TNFRSF19: variants seen among roughly 807,000 people sequenced by gnomAD.
TNFRSF19 encodes tumor necrosis factor receptor superfamily member 19.
A neutral mutation model predicts 46.4 loss-of-function variants in TNFRSF19; 27 were observed. The observed-to-expected ratio is 0.58, with a 90% confidence interval of 0.43 to 0.80. TNFRSF19 has a LOEUF of 0.80. Among genes scored for constraint, TNFRSF19 ranks in the 30% least tolerant of loss-of-function variants. TNFRSF19 has a pLI of 0.00. For synonymous variants in TNFRSF19, 204 were observed against 205.0 expected (o/e 1.00, Z 0.04); for missense variants, 511 against 530.8 (o/e 0.96, Z 0.37).
Position 23,584,780 on chromosome 13 carries a change from C to T in TNFRSF19, c.-34-5370C>T, listed in dbSNP as rs1050020044. Reference sequence around the variant, plus strand: ...TAATTTGAAAAAGAGAAACCATTCTCATTTTCCAGCCAATAACAATACGTA... The same window carrying T: ...TAATTTGAAAAAGAGAAACCATTCTTATTTTCCAGCCAATAACAATACGTA... On this transcript the variant is annotated intron_variant, in intron 1 of 9. Coordinates refer to ENST00000248484, the MANE Select transcript of TNFRSF19 (RefSeq NM_148957.4). Among the ~76,000 whole-genome samples the T allele has an allele frequency of 6.6e-5, 10 of 152,142 alleles. No individual in the cohort carries two copies. The East Asian group carries it at 1.7e-3, about 26-fold the overall frequency.
chr13:23,668,125 C>T, intron 8 of TNFRSF19, 43 bp downstream of exon 8: 1 of 1,474,270 alleles, frequency 6.8e-7, no homozygotes, highest in Non-Finnish European at 9.3e-7. Context: ...ACCCCCTGTG[C>T]AAATATGCAT....
At chr13:23,609,505 T>C (rs1880747020) in intron 3 of TNFRSF19, among the ~76,000 whole-genome samples, 1 of 152,198 alleles carries the variant, frequency 6.6e-6, no homozygotes, top group South Asian at 2.1e-4. Flanking sequence ...CTCGTATTAA[T>C]GCCAACAGTG....
At chr13:23,671,569 T>G (rs1384610099) in intron 9 of TNFRSF19, among the ~76,000 whole-genome samples, 5 of 152,154 alleles carry the variant, frequency 3.3e-5, no homozygotes, top group Non-Finnish European at 7.3e-5. Flanking sequence ...AACCTTAAGC[T>G]ACTTCAGGCC....
At chr13:23,611,252 C>T (rs1880895117) in intron 3 of TNFRSF19, among the ~76,000 whole-genome samples, 1 of 152,166 alleles carries the variant, frequency 6.6e-6, no homozygotes, top group Non-Finnish European at 1.5e-5. Flanking sequence ...TTACTCAGGA[C>T]TGTTGCAGTA....
chr13:23,572,489 TG>T (rs1309479748), intron 1 of TNFRSF19, among the ~76,000 whole-genome samples: 5 of 152,218 alleles, frequency 3.3e-5, no homozygotes, highest in Admixed American at 6.5e-5. Context: ...AGTTCAGATT[TG>T]GATTTTAAAA....
chr13:23,588,795 GA>G (rs1217701002), intron 1 of TNFRSF19, among the ~76,000 whole-genome samples: 1 of 152,130 alleles, frequency 6.6e-6, no homozygotes, highest in East Asian at 1.9e-4. Context: ...ATGCCAGCAG[GA>G]AAAAAAGTTA....
At chr13:23,601,104 T>G (rs549684766) in intron 3 of TNFRSF19, among the ~76,000 whole-genome samples, 1 of 152,074 alleles carries the variant, frequency 6.6e-6, no homozygotes, top group Non-Finnish European at 1.5e-5. Flanking sequence ...GACTTAGAAT[T>G]TTCCCAAGTT....
At chr13:23,670,532 G>A (rs1394880209) in intron 9 of TNFRSF19, among the ~76,000 whole-genome samples, 1 of 152,186 alleles carries the variant, frequency 6.6e-6, no homozygotes, top group Admixed American at 6.5e-5. Context: ...GTTAGGAAAG[G>A]CTGTTCACTG....
intron 5 of TNFRSF19, among the ~76,000 whole-genome samples, chr13:23,639,207 A>G (rs922629600): frequency 6.6e-6 from 1 of 152,116 alleles, no homozygotes; most frequent in South Asian, 2.1e-4. Flanking sequence ...AGCCTTGCCA[A>G]CATGATGAAA....
At chr13:23,628,108 G>T (rs79620781) in intron 5 of TNFRSF19, among the ~76,000 whole-genome samples, 10,590 of 152,020 alleles carry the variant, frequency 0.07, 726 homozygotes, top group African/African-American at 0.18. Flanking sequence ...GTCCAAATTT[G>T]TCAATGAGAA....
chr13:23,603,708 G>A (rs9550993), intron 3 of TNFRSF19, among the ~76,000 whole-genome samples: 100,649 of 151,776 alleles, frequency 0.66, 34,017 homozygotes, highest in African/African-American at 0.78. Flanking sequence ...TGGGCTAAAG[G>A]GGAAAAAAAT....
In TNFRSF19 at chr13:23,675,423, G is replaced by A. The variant is rs1951815212; in HGVS notation, c.*2043G>A. ...TGGCTGGAGAAAGCCAGACTGATGG[G>A]AATGAGACTTTGGCCAAAAATCCCA... On this transcript the variant is annotated 3_prime_UTR_variant, in exon 10 of 10. Transcript: ENST00000248484. 6.6e-6 allele frequency: 1 copy of A among 152,182 alleles called. No individual in the cohort carries two copies. Among genetic ancestry groups the A allele is most frequent in the Admixed American group, 6.5e-5 (1 of 15,274 alleles). 9.4% of individuals were successfully genotyped at this position (152,182 alleles called of 1,614,324 possible).
intron 3 of TNFRSF19, among the ~76,000 whole-genome samples, chr13:23,612,573 C>G (rs1880979028): frequency 6.6e-6 from 1 of 152,124 alleles, no homozygotes; most frequent in South Asian, 2.1e-4. Flanking sequence ...GTAGAATGGT[C>G]ACTTCATCAA....
rs1418271004 is a variant in TNFRSF19 at position 23,674,308 on chromosome 13, T to G, written c.*928T>G. On this transcript the variant is annotated 3_prime_UTR_variant, in exon 10 of 10. Transcript: ENST00000248484. ...ATCTTATACTAAAGGCTTTAGAAAT[T>G]ACAACATATCAGGTTCCCCTACTAC... is the stretch of plus-strand genomic sequence containing the variant. 3 of 152,220 alleles carry G rather than the reference T, an allele frequency of 2.0e-5. No homozygotes were observed. Among genetic ancestry groups the G allele is most frequent in the Admixed American group, 6.5e-5 (1 of 15,282 alleles). The allele number at this position is 152,220 out of a possible 1,614,324, so 9.4% of individuals were successfully genotyped here.
chr13:23,581,645 AGTTACAGCTCT>A (rs1207020203), intron 1 of TNFRSF19, among the ~76,000 whole-genome samples: 1 of 152,170 alleles, frequency 6.6e-6, no homozygotes, highest in Non-Finnish European at 1.5e-5. Flanking sequence ...TTAATTTCCT[AGTTACAGCTCT>A]GTTACATGAA....
chr13:23,581,069 A>T (rs1232198728), intron 1 of TNFRSF19, among the ~76,000 whole-genome samples: 1 of 151,914 alleles, frequency 6.6e-6, no homozygotes, highest in African/African-American at 2.4e-5. Context: ...GCAGTTATGG[A>T]CACATGAAGA....
At chr13:23,667,516 T>G (rs1951662357) in intron 7 of TNFRSF19, among the ~76,000 whole-genome samples, 1 of 152,240 alleles carries the variant, frequency 6.6e-6, no homozygotes, top group South Asian at 2.1e-4. Context: ...CTTCGTGGTC[T>G]CCCACAGACT....
chr13:23,626,028 A>G (rs772952197), intron 4 of TNFRSF19, among the ~76,000 whole-genome samples: 4 of 152,160 alleles, frequency 2.6e-5, no homozygotes, highest in Non-Finnish European at 5.9e-5. Flanking sequence ...TTTCAATTAT[A>G]GTGTTCATTT....
At chr13:23,594,401 A>T in intron 3 of TNFRSF19, 1 of 355,654 alleles carries the variant, frequency 2.8e-6, no homozygotes, top group Non-Finnish European at 5.7e-6. Context: ...CACCTGGGAC[A>T]CTCAAGCATG....
Sources: gnomAD v4.1 joint callset for allele counts (sites outside exome capture counted in the v4.1 genomes callset) on GRCh38, gnomAD v4.1.1 for gene constraint, MANE v1.5 for transcripts, NCBI Gene and HGNC (gene_info 2026-07-23, HGNC 2026-07-21) for gene names.